Variants in RELN observed in about 807,000 individuals in gnomAD.
RELN encodes the protein reelin.
In RELN, 108 loss-of-function variants were observed where a neutral mutation model predicts 427.6. The observed-to-expected ratio is 0.25, with a 90% CI of 0.22 to 0.30. The LOEUF is 0.30. Among genes scored for constraint, RELN ranks in the 10% least tolerant of loss-of-function variants. The probability of loss-of-function intolerance (pLI) is 1.00; values close to 1 mark genes in which losing one functional copy is unlikely to be tolerated. For missense variants in RELN, 3,715 were observed against 4,302.8 expected (o/e 0.86, Z 3.82); for synonymous variants, 1,524 against 1,513.4 (o/e 1.01, Z -0.16).
intron 1 of RELN, among the ~76,000 whole-genome samples, chr7:103,950,370 C>T (rs1360086381): frequency 6.6e-6 from 1 of 151,838 alleles, no homozygotes; most frequent in Non-Finnish European, 1.5e-5. Context: ...TGAGATTTTA[C>T]TATATTCTAA....
intron 6 of RELN, among the ~76,000 whole-genome samples, chr7:103,737,430 G>A (rs895578900): frequency 3.3e-5 from 5 of 152,152 alleles, no homozygotes; most frequent in African/African-American, 1.2e-4. Flanking sequence ...CTCACACTTG[G>A]CTACTAAATG....
In RELN at chr7:103,565,332, G is replaced by A. The variant is rs115913736; in HGVS notation, c.5156C>T (p.Ser1719Leu). The A allele has an allele frequency of 6.9e-3, 11,059 of 1,614,100 alleles. 70 individuals carry two copies. Among genetic ancestry groups the A allele is most frequent in the South Asian group, 0.011 (974 of 91,078 alleles). ...LHYTESSIYT[S>L]ERFQNWKRIT... is the part of the protein sequence containing the mutation. ...CCGCTTCCAATTCTGGAATCTTTCC[G>A]AGGTGTAAATTGAACTTTCCGTGTA... Residue 1719 changes from serine (S) to leucine (L), a missense_variant, in exon 34 of 65, where the codon TCG becomes TTG. This residue lies in a region of RELN where 2,208 missense variants were observed against 2,361.7 expected (regional missense o/e 0.93). Coordinates refer to ENST00000428762, the MANE Select transcript of RELN (RefSeq NM_005045.4).
rs750263183 is a variant in RELN, at chr7:103,654,191, G to T, written c.1456C>A (p.Pro486Thr). ...ATGTCATTTTCATGAGAATTTCCAGGGTCACAAATTCCTCCTGCACAAAAC... is the reference window on the plus strand; with the variant it reads ...ATGTCATTTTCATGAGAATTTCCAGTGTCACAAATTCCTCCTGCACAAAAC... ...FYFVMGGICD[P>T]GNSHENDIIL... Residue 486 changes from proline (P) to threonine (T), a missense_variant, in exon 13 of 65, where the codon CCT becomes ACT. Pro to Thr is a conservative substitution (Grantham distance 38, BLOSUM62 -1). Coordinates refer to ENST00000428762, the MANE Select transcript of RELN (RefSeq NM_005045.4). 6.2e-7 allele frequency: 1 copy of T among 1,609,470 alleles called. No individual in the cohort carries two copies. The highest frequency in any genetic ancestry group is 1.1e-5 in the South Asian group (1 of 90,984).
chr7:103,737,568 C>A (rs1269493074), intron 6 of RELN, among the ~76,000 whole-genome samples: 2 of 152,130 alleles, frequency 1.3e-5, no homozygotes, highest in African/African-American at 4.8e-5. Flanking sequence ...AAATAAAGTT[C>A]CAGCTAGAAT....
intron 9 of RELN, 101 bp from the exon 10 acceptor site, chr7:103,698,194 G>T: frequency 1.4e-6 from 2 of 1,384,838 alleles, no homozygotes; most frequent in Non-Finnish European, 2.0e-6. Context: ...TCTCAAGAAT[G>T]TTATATTTAT....
intron 49 of RELN, 91 bp from the exon 50 acceptor site, chr7:103,515,532 G>A (rs1829545159): frequency 2.7e-6 from 4 of 1,496,192 alleles, no homozygotes; most frequent in Non-Finnish European, 3.7e-6. Context: ...ATAAGATAAT[G>A]TATGTCACAT....
intron 11 of RELN, among the ~76,000 whole-genome samples, chr7:103,678,153 C>G (rs1167637087): frequency 6.9e-6 from 1 of 145,146 alleles, no homozygotes; most frequent in African/African-American, 2.5e-5. Context: ...AGCAGTAAAA[C>G]AGATTTTTTT....
At chr7:103,660,968 C>T (rs1224855422) in intron 12 of RELN, among the ~76,000 whole-genome samples, 1 of 152,156 alleles carries the variant, frequency 6.6e-6, no homozygotes, top group Admixed American at 6.5e-5. Context: ...AATTTCTCAG[C>T]TTCCTACTAC....
chr7:103,871,310 A>C (rs1563062192), intron 2 of RELN, among the ~76,000 whole-genome samples: 1 of 152,126 alleles, frequency 6.6e-6, no homozygotes, highest in Non-Finnish European at 1.5e-5. Context: ...TTTTGTAATT[A>C]TTTTTATATT....
intron 51 of RELN, 39 bp from the exon 52 acceptor site, chr7:103,503,269 T>A: frequency 4.4e-6 from 7 of 1,578,228 alleles, no homozygotes; most frequent in Non-Finnish European, 3.5e-6. Flanking sequence ...ATTAAAACTA[T>A]ATGATATGAT....
At chr7:103,796,453 CT>C (rs1227969337) in intron 3 of RELN, among the ~76,000 whole-genome samples, 1 of 152,138 alleles carries the variant, frequency 6.6e-6, no homozygotes, top group African/African-American at 2.4e-5. Context: ...TGGATTTTGT[CT>C]TTCAGTATCA....
At chr7:103,805,109 T>C (rs1247058937) in intron 3 of RELN, among the ~76,000 whole-genome samples, 1 of 151,972 alleles carries the variant, frequency 6.6e-6, no homozygotes. Flanking sequence ...GAAAACTGGA[T>C]TCTGCTCTTG....
intron 1 of RELN, among the ~76,000 whole-genome samples, chr7:103,923,367 T>C (rs191198861): frequency 6.6e-6 from 1 of 152,264 alleles, no homozygotes; most frequent in Non-Finnish European, 1.5e-5. Flanking sequence ...TACTTCTCAT[T>C]ACATATATTA....
At position 103,483,655 on chromosome 7, in the gene RELN, G is replaced by C. The variant is rs559014007; in HGVS notation, c.10179C>G (p.Pro3393=). ...GCCTTTCCATTTGGGCCACTTACAG[G>C]GGGACATTGTAAGACACTCTCTGAG... The part of the protein sequence containing the change: ...TQAQRVSYNV[P]LEARMKGVLL... The change falls in exon 62 of 65, where the codon CCC becomes CCG. Residue 3393 remains proline, a splice_region_variant and synonymous_variant. Transcript: ENST00000428762. 1.9e-6 allele frequency: 3 copies of C among 1,613,992 alleles called. No individual in the cohort carries two copies. Among genetic ancestry groups the C allele is most frequent in the African/African-American group, 2.7e-5 (2 of 75,016 alleles).
At chr7:103,497,404 A>C (rs746270822) in intron 55 of RELN, among the ~76,000 whole-genome samples, 2 of 152,162 alleles carry the variant, frequency 1.3e-5, no homozygotes, top group African/African-American at 2.4e-5. Flanking sequence ...TCACAAAATC[A>C]GACTTTTTTT....
intron 51 of RELN, among the ~76,000 whole-genome samples, chr7:103,505,201 C>T (rs182926352): frequency 7.9e-5 from 12 of 152,312 alleles, no homozygotes; most frequent in African/African-American, 2.6e-4. Flanking sequence ...TCTCTCAGCA[C>T]AGCATTTGAG....
chr7:103,565,175 TATC>T, intron 34 of RELN, 100 bp downstream of exon 34: 1 of 1,436,774 alleles, frequency 7.0e-7, no homozygotes, highest in Non-Finnish European at 9.8e-7. Flanking sequence ...CATGCATAAT[TATC>T]ATGAAAGAAT....
chr7:103,560,299 G>T (rs1380907284), intron 36 of RELN, among the ~76,000 whole-genome samples: 1 of 152,082 alleles, frequency 6.6e-6, no homozygotes, highest in African/African-American at 2.4e-5. Flanking sequence ...TTTCACGAAA[G>T]AATGACTTTC....
chr7:103,486,408 A>G lies in RELN; in HGVS notation c.9772T>C (p.Cys3258Arg). ...ICDESFQGDDCSVFSHDLPSY... is the reference protein window; with the variant it reads ...ICDESFQGDDRSVFSHDLPSY... ...GGAAGGTCGTGACTGAAAACAGAGC[A>G]GTCATCACCTAGAGGACAAGGAGCA... The change falls in exon 61 of 65, where the codon TGC becomes CGC. Residue 3258 changes from cysteine to arginine, a missense_variant. This residue lies in a region of RELN where 195 missense variants were observed against 281.3 expected (regional missense o/e 0.69). Transcript: ENST00000428762. The G allele has an allele frequency of 6.2e-7, 1 of 1,613,764 alleles. No individual in the cohort carries two copies.
Sources: gnomAD v4.1 joint callset for allele counts (sites outside exome capture counted in the v4.1 genomes callset) on GRCh38, gnomAD v4.1.1 for gene constraint, gnomAD v4.1.1 regional missense constraint, MANE v1.5 for transcripts, NCBI Gene and HGNC (gene_info 2026-07-23, HGNC 2026-07-21) for gene names.